Variants in AP1S3 observed in about 807,000 individuals in gnomAD.
The protein encoded by AP1S3 is AP-1 complex subunit sigma-3.
AP1S3 carries 10 observed loss-of-function variants against 20.9 expected under a neutral mutation model. The ratio of observed to expected loss-of-function variants is 0.48; its 90% CI spans 0.29 to 0.81. The LOEUF is 0.81. AP1S3 is among the 30% of genes least tolerant of loss of function. The probability of loss-of-function intolerance (pLI) is 0.08; values close to 1 mark genes in which losing one functional copy is unlikely to be tolerated. For synonymous variants in AP1S3, 41 were observed against 61.5 expected, an observed-to-expected ratio of 0.67 and a Z score of 1.56; for missense variants, 154 against 183.8, an observed-to-expected ratio of 0.84 and a Z score of 0.94.
chr2:223,832,067 A>T, intron 1 of AP1S3, among the ~76,000 whole-genome samples: 1 of 138,844 alleles, frequency 7.2e-6, no homozygotes, highest in African/African-American at 2.7e-5. Context: ...ACAGAGTAAG[A>T]CTCCGTCTCA....
chr2:223,777,829 C>T lies in AP1S3; in HGVS notation c.44G>A (p.Arg15Gln), dbSNP rs755623874. 8 of 1,613,846 alleles carry T rather than the reference C, an allele frequency of 5.0e-6. No homozygotes were observed. The highest frequency in any genetic ancestry group is 1.6e-4 in the Middle Eastern group (1 of 6,062). ...GAGAGTGATGTACCATTTCTGTAGC[C>T]GTAATTTCCCTTGTCGACTGAAGAG... ...ILLFSRQGKL[R>Q]LQKWYITLPD... is the part of the protein sequence containing the mutation. Residue 15 changes from arginine (R) to glutamine (Q), a missense_variant, in exon 2 of 5, where the codon CGG becomes CAG. Physicochemically the swap from Arg to Gln is conservative, Grantham distance 43 (BLOSUM62 1). Coordinates refer to ENST00000396654, the MANE Select transcript of AP1S3 (RefSeq NM_001039569.2).
intron 1 of AP1S3, among the ~76,000 whole-genome samples, chr2:223,817,297 T>C (rs1691866664): frequency 6.6e-6 from 1 of 151,968 alleles, no homozygotes; most frequent in Non-Finnish European, 1.5e-5. Context: ...ATGGTCTGCT[T>C]AGAGTCCTGG....
At chr2:223,765,176 A>ATCATCG (rs1690447832) in intron 4 of AP1S3, 37 bp downstream of exon 4, 1 of 1,608,038 alleles carries the variant, frequency 6.2e-7, no homozygotes, top group African/African-American at 1.3e-5. Context: ...CATCATCATC[A>ATCATCG]TCATCTTTCT....
intron 1 of AP1S3, among the ~76,000 whole-genome samples, chr2:223,800,051 C>T (rs887500289): frequency 6.6e-6 from 1 of 151,802 alleles, no homozygotes; most frequent in Admixed American, 6.6e-5. Context: ...CCCATCTCTA[C>T]TATAAATACG....
intron 1 of AP1S3, among the ~76,000 whole-genome samples, chr2:223,801,258 G>C (rs1311977823): frequency 1.3e-5 from 2 of 152,134 alleles, no homozygotes; most frequent in Non-Finnish European, 2.9e-5. Context: ...GCTTAAAAAA[G>C]TTAAGTACCT....
At chr2:223,759,172 C>T (rs1452286393) in intron 4 of AP1S3, among the ~76,000 whole-genome samples, 3 of 151,880 alleles carry the variant, frequency 2.0e-5, no homozygotes, top group Non-Finnish European at 4.4e-5. Flanking sequence ...CCCAGCTACT[C>T]GGGAAGCTGA....
At position 223,756,416 on chromosome 2, in the gene AP1S3, AG is replaced by A; in HGVS notation, c.*2298del. 2 of 546,672 alleles carry A rather than the reference AG, an allele frequency of 3.7e-6. No individual in the cohort carries two copies. The highest frequency in any genetic ancestry group is 4.5e-6 in the Non-Finnish European group (2 of 444,532). The allele number at this position is 546,672 out of a possible 1,614,324, so 33.9% of individuals were successfully genotyped here. A position where few individuals can be genotyped will look rare whatever the true frequency, so the allele number is the denominator to read the frequency against. On this transcript the variant is annotated 3_prime_UTR_variant, in exon 5 of 5. Transcript: ENST00000396654. Reference sequence around the variant, plus strand: ...AGGGAAGGAAGGAAGGGAGGGAAGGAGAGAGAGAGAAGAAGGAAGGAAGAAA... The same window carrying A: ...AGGGAAGGAAGGAAGGGAGGGAAGGAAGAGAGAGAAGAAGGAAGGAAGAAA...
chr2:223,758,150 A>T lies in AP1S3; in HGVS notation c.*565T>A. The stretch of plus-strand genomic sequence containing the variant: ...TTTTCATAATCCCAATTCTAAAAAA[A>T]ATAAATGAATTCAGCACATTAAAAT... On this transcript the variant is annotated 3_prime_UTR_variant, in exon 5 of 5. Transcript: ENST00000396654. 1 of 981,826 alleles carries T rather than the reference A, an allele frequency of 1.0e-6. No homozygotes were observed. 60.8% of individuals were successfully genotyped at this position (981,826 alleles called of 1,614,324 possible).
chr2:223,823,810 C>T (rs1005783727), intron 1 of AP1S3, among the ~76,000 whole-genome samples: 6 of 152,084 alleles, frequency 3.9e-5, no homozygotes, highest in African/African-American at 1.4e-4. Flanking sequence ...TTGATTTAAC[C>T]ATTTTGCAAT....
intron 4 of AP1S3, among the ~76,000 whole-genome samples, chr2:223,760,847 C>T (rs191002084): frequency 8.7e-4 from 133 of 152,292 alleles, no homozygotes; most frequent in Admixed American, 2.0e-3. Context: ...TGTATGGCTA[C>T]GTACTTTTTG....
chr2:223,810,842 A>G (rs931259539), intron 1 of AP1S3, among the ~76,000 whole-genome samples: 5 of 152,196 alleles, frequency 3.3e-5, no homozygotes, highest in African/African-American at 1.2e-4. Context: ...ATAAATCATT[A>G]TGGTATTAAA....
At chr2:223,765,909 G>C (rs991486507) in intron 3 of AP1S3, among the ~76,000 whole-genome samples, 1 of 152,266 alleles carries the variant, frequency 6.6e-6, no homozygotes, top group Admixed American at 6.5e-5. Flanking sequence ...TGAGAACTGA[G>C]AATCTGCACT....
chr2:223,821,577 C>T (rs975103034), intron 1 of AP1S3, among the ~76,000 whole-genome samples: 1 of 152,198 alleles, frequency 6.6e-6, no homozygotes, highest in African/African-American at 2.4e-5. Flanking sequence ...GAAGCCAAAA[C>T]TGCACTTACT....
chr2:223,786,750 C>G (rs771400057), intron 1 of AP1S3, among the ~76,000 whole-genome samples: 28 of 151,846 alleles, frequency 1.8e-4, no homozygotes, highest in Non-Finnish European at 4.0e-4. Flanking sequence ...AAAAAAGATA[C>G]AAAAATTAGC....
intron 1 of AP1S3, among the ~76,000 whole-genome samples, chr2:223,831,731 T>C (rs568877653): frequency 5.3e-5 from 8 of 152,248 alleles, no homozygotes; most frequent in African/African-American, 1.9e-4. Context: ...ACACTGGCTA[T>C]CGTAACAACA....
chr2:223,816,614 G>C (rs1559143569), intron 1 of AP1S3, among the ~76,000 whole-genome samples: 1 of 152,208 alleles, frequency 6.6e-6, no homozygotes, highest in Non-Finnish European at 1.5e-5. Flanking sequence ...ATTCTAATAA[G>C]ATCAGTCTGA....
chr2:223,829,405 T>C (rs2106133268), intron 1 of AP1S3, among the ~76,000 whole-genome samples: 1 of 152,108 alleles, frequency 6.6e-6, no homozygotes, highest in South Asian at 2.1e-4. Context: ...GGCGGGAGGA[T>C]CACCTGAGGT....
chr2:223,762,912 T>C (rs1329663407), intron 4 of AP1S3, among the ~76,000 whole-genome samples: 2 of 151,788 alleles, frequency 1.3e-5, no homozygotes, highest in African/African-American at 4.8e-5. Flanking sequence ...ACTACAAATA[T>C]ATGATTGGGT....
chr2:223,776,807 A>G (rs1166877950), intron 2 of AP1S3, among the ~76,000 whole-genome samples: 1 of 152,156 alleles, frequency 6.6e-6, no homozygotes, highest in African/African-American at 2.4e-5. Context: ...TAAAGCCAAA[A>G]AGATCTAGAT....
Sources: gnomAD v4.1 joint callset for allele counts (sites outside exome capture counted in the v4.1 genomes callset) on GRCh38, gnomAD v4.1.1 for gene constraint, MANE v1.5 for transcripts, NCBI Gene and HGNC (gene_info 2026-07-23, HGNC 2026-07-21) for gene names.